CDON: variants seen among roughly 807,000 people sequenced by gnomAD.
CDON encodes the protein cell adhesion associated, oncogene regulated, also known as cell adhesion molecule-related/down-regulated by oncogenes.
A neutral mutation model predicts 120.9 loss-of-function variants in CDON; 73 were observed. The ratio of observed to expected loss-of-function variants is 0.60; its 90% CI spans 0.50 to 0.73. The LOEUF (loss-of-function observed/expected upper bound fraction) is 0.73. CDON is among the 30% of genes least tolerant of loss of function. The pLI is 0.00. For synonymous variants in CDON, 566 were observed against 573.5 expected (o/e 0.99, Z 0.19); for missense variants, 1,470 against 1,587.3 (o/e 0.93, Z 1.26).
chr11:125,961,935 T>C lies in CDON; in HGVS notation c.3420A>G (p.Ala1140=), dbSNP rs751483521. The C allele has an allele frequency of 6.2e-7, 1 of 1,614,158 alleles. No individual in the cohort carries two copies. Among genetic ancestry groups the C allele is most frequent in the Admixed American group, 1.7e-5 (1 of 60,020 alleles). Residue 1140 remains alanine, a synonymous_variant, in exon 19 of 20, where the codon GCA becomes GCG. Coordinates refer to ENST00000531738, the MANE Select transcript of CDON (RefSeq NM_001378964.1). ...TTTCCAAACCATCCTGAGGATAAGG[T>C]GCTACCACAGGGACCACAGGAGGAG... ...SSPPPVVPVV[A]PYPQDGLEMK... is the part of the protein sequence containing the mutation.
At chr11:125,977,095 G>A (rs765920866) in intron 18 of CDON, among the ~76,000 whole-genome samples, 16 of 152,148 alleles carry the variant, frequency 1.1e-4, no homozygotes, top group East Asian at 1.9e-4. Context: ...TCTTTAGCAC[G>A]TTGCCTAACA....
intron 18 of CDON, among the ~76,000 whole-genome samples, chr11:125,968,355 A>T (rs1004827357): frequency 1.3e-5 from 2 of 152,196 alleles, no homozygotes; most frequent in African/African-American, 4.8e-5. Flanking sequence ...TTTTTAATGA[A>T]GTCTAAAGGC....
In CDON at chr11:126,001,045, A is replaced by G. The variant is rs1286525065; in HGVS notation, c.2158+674T>C. ...AGATATAGCAAAAAATAAAAATAAA[A>G]AGTAACATGTAATCCTTCAGTAAAA... On this transcript the variant is annotated intron_variant, in intron 11 of 19. Coordinates refer to ENST00000531738, the MANE Select transcript of CDON (RefSeq NM_001378964.1). 3.3e-5 allele frequency among the ~76,000 whole-genome samples: 5 copies of G among 152,286 alleles called. No homozygotes were observed. The East Asian group carries it at 5.8e-4, about 18-fold the overall frequency.
At chr11:126,021,132 T>C in intron 3 of CDON, 116 bp downstream of exon 3, 1 of 1,105,670 alleles carries the variant, frequency 9.0e-7, no homozygotes, top group Non-Finnish European at 1.3e-6. Flanking sequence ...AAGGCTGAGA[T>C]AAAAACTCCT....
In CDON at chr11:126,021,380, C is replaced by T. The variant is rs1947630610; in HGVS notation, c.217G>A (p.Glu73Lys). 2 of 1,614,076 alleles carry T rather than the reference C, an allele frequency of 1.2e-6. No homozygotes were observed. The highest frequency in any genetic ancestry group is 4.5e-5 in the East Asian group (2 of 44,870). Residue 73 changes from glutamate (E) to lysine (K), a missense_variant, in exon 3 of 20, where the codon GAA (glutamate) becomes AAA (lysine). Coordinates refer to ENST00000531738, the MANE Select transcript of CDON (RefSeq NM_001378964.1). ...HNGKTLDGNLEHVKIHQGTLT... is the reference protein window; with the variant it reads ...HNGKTLDGNLKHVKIHQGTLT... ...GTCCCCTGATGAATCTTAACATGTTCCAGGTTTCCATCCAATGTTTTTCCG... is the reference window on the plus strand; with the variant it reads ...GTCCCCTGATGAATCTTAACATGTTTCAGGTTTCCATCCAATGTTTTTCCG...
chr11:126,012,840 T>C (rs766073138), intron 7 of CDON, among the ~76,000 whole-genome samples: 2 of 152,244 alleles, frequency 1.3e-5, no homozygotes, highest in African/African-American at 2.4e-5. Flanking sequence ...ATAGCCCATG[T>C]TGACAATCAT....
At chr11:126,053,922 T>C (rs1004450595) in intron 1 of CDON, among the ~76,000 whole-genome samples, 1 of 152,176 alleles carries the variant, frequency 6.6e-6, no homozygotes, top group African/African-American at 2.4e-5. Flanking sequence ...GCCAAAATCA[T>C]GAAAAGAAGC....
intron 1 of CDON, among the ~76,000 whole-genome samples, chr11:126,026,643 C>CT (rs1325865871): frequency 6.6e-6 from 1 of 152,196 alleles, no homozygotes; most frequent in African/African-American, 2.4e-5. Flanking sequence ...GGTTATGAAT[C>CT]TGCTTTTCCA....
At chr11:126,000,090 G>A (rs946312833) in intron 11 of CDON, among the ~76,000 whole-genome samples, 4 of 152,090 alleles carry the variant, frequency 2.6e-5, no homozygotes, top group Non-Finnish European at 2.9e-5. Flanking sequence ...TATTTCTCGT[G>A]AACCCATAAC....
chr11:126,042,133 C>G (rs1948279110), intron 1 of CDON, among the ~76,000 whole-genome samples: 1 of 152,250 alleles, frequency 6.6e-6, no homozygotes, highest in African/African-American at 2.4e-5. Context: ...ATCTGCCTGC[C>G]TCGGCCTCCC....
chr11:126,053,603 A>G (rs946700370), intron 1 of CDON, among the ~76,000 whole-genome samples: 1 of 152,216 alleles, frequency 6.6e-6, no homozygotes, highest in African/African-American at 2.4e-5. Context: ...ACATAATCAC[A>G]TTCAGACATT....
At chr11:126,046,981 G>A (rs1948421528) in intron 1 of CDON, among the ~76,000 whole-genome samples, 1 of 152,180 alleles carries the variant, frequency 6.6e-6, no homozygotes. Context: ...ATCATGCTCA[G>A]TATTTAAGTA....
chr11:125,971,404 A>AAAT (rs199975836), intron 18 of CDON, among the ~76,000 whole-genome samples: 2 of 148,146 alleles, frequency 1.4e-5, no homozygotes, highest in East Asian at 1.9e-4. Flanking sequence ...ATAAATAAAT[A>AAAT]AATAAATAAT....
At chr11:126,032,021 C>T (rs542881562) in intron 1 of CDON, among the ~76,000 whole-genome samples, 5 of 152,158 alleles carry the variant, frequency 3.3e-5, no homozygotes, top group Non-Finnish European at 7.3e-5. Context: ...TCTGTGAAAT[C>T]TGGCTATCTT....
intron 1 of CDON, among the ~76,000 whole-genome samples, chr11:126,038,969 C>T (rs1211635129): frequency 1.3e-5 from 2 of 152,182 alleles, no homozygotes; most frequent in South Asian, 2.1e-4. Flanking sequence ...ACTAATAAAA[C>T]ATCAACAAAG....
At chr11:126,036,574 CT>C (rs1833926097) in intron 1 of CDON, among the ~76,000 whole-genome samples, 1 of 152,202 alleles carries the variant, frequency 6.6e-6, no homozygotes, top group Non-Finnish European at 1.5e-5. Flanking sequence ...ACATTTCTAC[CT>C]GTATATACCC....
chr11:126,051,241 C>G lies in CDON; in HGVS notation c.-62+11338G>C, dbSNP rs532588662. 2.0e-5 allele frequency among the ~76,000 whole-genome samples: 3 copies of G among 152,270 alleles called. No individual in the cohort carries two copies. The South Asian group carries it at 6.2e-4, about 32-fold the overall frequency. ...ACAGCTAAGGAAACGTGAATCTAGC[C>G]AAGTGTTATAGTTTCTACTTTATAA... On this transcript the variant is annotated intron_variant, in intron 1 of 19. Transcript: ENST00000531738.
At chr11:126,026,864 A>G (rs1947806094) in intron 1 of CDON, among the ~76,000 whole-genome samples, 1 of 152,358 alleles carries the variant, frequency 6.6e-6, no homozygotes, top group South Asian at 2.1e-4. Flanking sequence ...TGAGAGAATG[A>G]GGACAAGAAG....
intron 1 of CDON, among the ~76,000 whole-genome samples, chr11:126,038,109 T>C (rs1452304613): frequency 6.6e-6 from 1 of 151,938 alleles, no homozygotes; most frequent in African/African-American, 2.4e-5. Context: ...AAAAGCTAAG[T>C]TAAAAAGAAA....
Sources: allele counts gnomAD v4.1 joint callset (sites outside exome capture counted in the v4.1 genomes callset), GRCh38; gene constraint gnomAD v4.1.1; transcripts MANE v1.5; gene names NCBI Gene and HGNC (gene_info 2026-07-23, HGNC 2026-07-21).